The following PARK7 variants were observed in gnomAD, a reference collection of about 807,000 sequenced individuals.
PARK7 encodes the protein Parkinson disease protein 7.
PARK7 carries 14 observed loss-of-function variants against 20.5 expected under a neutral mutation model. The observed-to-expected ratio is 0.68, with a 90% CI of 0.45 to 1.07. The LOEUF (loss-of-function observed/expected upper bound fraction) is 1.07. Among genes scored for constraint, PARK7 ranks in the 50% least tolerant of loss-of-function variants. The pLI is 0.00. For missense variants in PARK7, 234 were observed against 238.1 expected (o/e 0.98, Z 0.11); for synonymous variants, 98 against 84.3 (o/e 1.16, Z -0.89).
At chr1:7,968,313 AAAAAAG>A (rs1032078645) in intron 3 of PARK7, among the ~76,000 whole-genome samples, 4 of 151,132 alleles carry the variant, frequency 2.6e-5, no homozygotes, top group African/African-American at 9.7e-5. Flanking sequence ...AAAAAAAAAA[AAAAAAG>A]AAAAGAAAAA....
chr1:7,980,967 C>CA (rs1640697872), intron 6 of PARK7, among the ~76,000 whole-genome samples: 1 of 152,186 alleles, frequency 6.6e-6, no homozygotes, highest in Admixed American at 6.6e-5. Context: ...CTTGGTCTCC[C>CA]AAAGTGCTGG....
chr1:7,979,321 G>A (rs912527570), intron 6 of PARK7, among the ~76,000 whole-genome samples: 3 of 151,842 alleles, frequency 2.0e-5, no homozygotes, highest in African/African-American at 4.8e-5. Flanking sequence ...CCAGGCCCCC[G>A]CCCCTGGCCA....
At chr1:7,980,196 A>G (rs903165109) in intron 6 of PARK7, among the ~76,000 whole-genome samples, 3 of 152,008 alleles carry the variant, frequency 2.0e-5, no homozygotes, top group African/African-American at 7.2e-5. Context: ...TTTTAATAAA[A>G]GTCTCTGGTT....
At chr1:7,975,591 T>C (rs1640567700) in intron 5 of PARK7, among the ~76,000 whole-genome samples, 1 of 152,128 alleles carries the variant, frequency 6.6e-6, no homozygotes, top group Admixed American at 6.6e-5. Flanking sequence ...CCAAATAGGG[T>C]TCTGACGCCC....
intron 6 of PARK7, among the ~76,000 whole-genome samples, chr1:7,980,479 T>C (rs1240472612): frequency 6.6e-6 from 1 of 152,188 alleles, no homozygotes; most frequent in East Asian, 1.9e-4. Context: ...CCGTACGTTA[T>C]CTTGGTGGAG....
intron 6 of PARK7, among the ~76,000 whole-genome samples, chr1:7,981,871 G>C (rs897364190): frequency 2.6e-5 from 4 of 151,490 alleles, no homozygotes; most frequent in Non-Finnish European, 5.9e-5. Flanking sequence ...TGTTAGCCAG[G>C]ATGGTCTCGA....
chr1:7,967,128 AT>A (rs142292173), intron 3 of PARK7, among the ~76,000 whole-genome samples: 1 of 151,298 alleles, frequency 6.6e-6, no homozygotes, highest in Non-Finnish European at 1.5e-5. Flanking sequence ...TATGTGATCA[AT>A]TTTTTTTTAG....
intron 3 of PARK7, 97 bp downstream of exon 3, chr1:7,965,522 T>C (rs1640306875): frequency 8.9e-7 from 1 of 1,128,852 alleles, no homozygotes; most frequent in South Asian, 1.3e-5. Flanking sequence ...TTTAGAAAAT[T>C]ATTTTGCTTG....
intron 5 of PARK7, among the ~76,000 whole-genome samples, chr1:7,977,281 T>A (rs1265007742): frequency 6.6e-6 from 1 of 152,186 alleles, no homozygotes; most frequent in Non-Finnish European, 1.5e-5. Context: ...AGGTAAATCT[T>A]CTTGAGTAAA....
intron 6 of PARK7, among the ~76,000 whole-genome samples, chr1:7,978,844 C>CAAA (rs368607562): frequency 9.3e-6 from 1 of 107,090 alleles, no homozygotes; most frequent in African/African-American, 3.6e-5. Flanking sequence ...AAGACCCTAT[C>CAAA]AAAAAAAAAA....
intron 5 of PARK7, among the ~76,000 whole-genome samples, chr1:7,973,555 A>G (rs1348834937): frequency 6.6e-6 from 1 of 152,064 alleles, no homozygotes; most frequent in Admixed American, 6.6e-5. Context: ...CTCTACTAAA[A>G]ATACAGAAAT....
intron 5 of PARK7, among the ~76,000 whole-genome samples, chr1:7,973,685 G>A (rs1418011919): frequency 6.6e-6 from 1 of 151,782 alleles, no homozygotes; most frequent in Non-Finnish European, 1.5e-5. Context: ...TTGCACTCCA[G>A]CCTGGGCAAC....
At chr1:7,980,160 C>CA (rs34615529) in intron 6 of PARK7, among the ~76,000 whole-genome samples, 86,884 of 124,954 alleles carry the variant, frequency 0.7, 29,342 homozygotes, top group Admixed American at 0.73. Flanking sequence ...GACTCCATCT[C>CA]AAAAAAAAAA....
At chr1:7,975,542 C>T (rs752019015) in intron 5 of PARK7, among the ~76,000 whole-genome samples, 1 of 152,176 alleles carries the variant, frequency 6.6e-6, no homozygotes, top group Non-Finnish European at 1.5e-5. Context: ...CATCAGAATC[C>T]CAGGTCCTGG....
intron 5 of PARK7, among the ~76,000 whole-genome samples, chr1:7,973,710 G>A (rs567246293): frequency 4.0e-5 from 6 of 150,168 alleles, no homozygotes; most frequent in South Asian, 2.1e-4. Flanking sequence ...GTGAAACTCC[G>A]TCTCAAAAAA....
At chr1:7,962,997 A>G in intron 2 of PARK7, 122 bp downstream of exon 2, 4 of 821,162 alleles carry the variant, frequency 4.9e-6, no homozygotes, top group East Asian at 2.6e-5. Flanking sequence ...AATTTCAGAG[A>G]TGACATAAGA....
intron 6 of PARK7, among the ~76,000 whole-genome samples, chr1:7,977,985 CTTTTTTTT>C (rs34231723): frequency 1.9e-4 from 10 of 53,536 alleles, no homozygotes; most frequent in East Asian, 8.7e-4. Context: ...GTCTCAAACT[CTTTTTTTT>C]TTTTTTTTTT....
At chr1:7,977,808 G>A (rs1298787004) in intron 6 of PARK7, 70 bp downstream of exon 6, 1 of 1,346,348 alleles carries the variant, frequency 7.4e-7, no homozygotes, top group African/African-American at 1.4e-5. Context: ...CGCCCAGGCT[G>A]GAGTGCAGTG....
chr1:7,962,595 AC>A (rs1239824565), intron 1 of PARK7, among the ~76,000 whole-genome samples, 167 bp from the exon 2 acceptor site: 1 of 152,164 alleles, frequency 6.6e-6, no homozygotes, highest in African/African-American at 2.4e-5. Flanking sequence ...ATACAAATCA[AC>A]GTTAAGATAA....
Sources: allele counts gnomAD v4.1 joint callset (sites outside exome capture counted in the v4.1 genomes callset), GRCh38; gene constraint gnomAD v4.1.1; transcripts MANE v1.5; gene names NCBI Gene and HGNC (gene_info 2026-07-23, HGNC 2026-07-21).